The following PNN variants were observed in gnomAD, a reference collection of about 807,000 sequenced individuals.
PNN encodes the protein pinin.
A neutral mutation model predicts 76.6 loss-of-function variants in PNN; 38 were observed. The ratio of observed to expected loss-of-function variants is 0.50; its 90% CI spans 0.38 to 0.65. The LOEUF (loss-of-function observed/expected upper bound fraction) is 0.65. Ranked by LOEUF, PNN falls within the 30% of genes least tolerant of loss-of-function variation. PNN has a pLI of 0.00. For synonymous variants in PNN, 366 were observed against 283.7 expected, an observed-to-expected ratio of 1.29 and a Z score of -2.91; for missense variants, 873 against 874.1, an observed-to-expected ratio of 1.00 and a Z score of 0.02.
In PNN at chr14:39,176,538, CAGAT is replaced by C; in HGVS notation, c.200_203del (p.Asp67ValfsTer50). The C allele has an allele frequency of 6.2e-7, 1 of 1,606,950 alleles. No individual in the cohort carries two copies. Among genetic ancestry groups the C allele is most frequent in the Non-Finnish European group, 8.5e-7 (1 of 1,176,960 alleles). ...ATTTTAAATTTCAGGCGTGGATTCT[CAGAT>C]AGTGGAGGAGGACCCCCAGCCAAAC... On this transcript the variant is annotated frameshift_variant, in exon 3 of 9. Coordinates refer to ENST00000216832, the MANE Select transcript of PNN (RefSeq NM_002687.4). LOFTEE classifies it high-confidence loss of function.
At chr14:39,178,715 T>C (rs184745886) in intron 6 of PNN, among the ~76,000 whole-genome samples, 102 of 143,402 alleles carry the variant, frequency 7.1e-4, no homozygotes, top group African/African-American at 2.6e-3. Flanking sequence ...GCAGATACCT[T>C]TACATAGTGA....
At chr14:39,180,376 C>A (rs1470039040) in intron 8 of PNN, 127 bp from the exon 9 acceptor site, 15 of 991,194 alleles carry the variant, frequency 1.5e-5, no homozygotes, top group Admixed American at 1.4e-4. Context: ...TTGCCATAAT[C>A]TTTTGTCATA....
intron 6 of PNN, among the ~76,000 whole-genome samples, chr14:39,178,321 A>G (rs116240014): frequency 0.03 from 4,544 of 152,122 alleles, 229 homozygotes; most frequent in African/African-American, 0.1. Flanking sequence ...CTGAGGTCAG[A>G]AGTTTTTCGA....
rs560249124 is a variant in PNN, at chr14:39,180,150, TGA to T, written c.794-352_794-351del. 1.6e-3 allele frequency among the ~76,000 whole-genome samples: 248 copies of T among 152,336 alleles called. 3 individuals carry two copies. Among genetic ancestry groups the T allele is most frequent in the Non-Finnish European group, 2.6e-3 (179 of 68,024 alleles). On this transcript the variant is annotated intron_variant, in intron 8 of 8. Coordinates refer to ENST00000216832, the MANE Select transcript of PNN (RefSeq NM_002687.4). ...GGAAGGATAGACACTGCTAAGATGA[TGA>T]TTTATCTCTTTGGGATCAGAAAAAT...
chr14:39,181,509 T>A lies in PNN; in HGVS notation c.1800T>A (p.Ser600Arg). The change falls in exon 9 of 9, where the codon AGT becomes AGA. Residue 600 changes from serine (S) to arginine (R), a missense_variant. By Grantham distance (110) the Ser-to-Arg change is moderately radical. This residue lies in a region of PNN where 712 missense variants were observed against 693.1 expected (regional missense o/e 1.03). Transcript: ENST00000216832. ...GTGGAAGTAGTTCCAGCAGTGGAAG[T>A]AGTAGCAGTCGCAGTAGTTCCAGTA... The part of the protein sequence containing the change: ...SSSGSSSSSG[S>R]SSSRSSSSSS... 6.2e-7 allele frequency: 1 copy of A among 1,600,554 alleles called. No homozygotes were observed. The highest frequency in any genetic ancestry group is 8.5e-7 in the Non-Finnish European group (1 of 1,173,574).
chr14:39,180,489 T>C lies in PNN; in HGVS notation c.794-14T>C, dbSNP rs766496399. The stretch of plus-strand genomic sequence containing the variant: ...AATCGGTAAATTTTACACATGTAAA[T>C]TTTTATTCTTTAGCTTTATTTGAAG... On this transcript the variant is annotated splice_polypyrimidine_tract_variant and intron_variant, in intron 8 of 8. Coordinates refer to ENST00000216832, the MANE Select transcript of PNN (RefSeq NM_002687.4). 7 of 1,531,050 alleles carry C rather than the reference T, an allele frequency of 4.6e-6. No individual in the cohort carries two copies. The South Asian group carries it at 9.1e-5, about 20-fold the overall frequency. 94.8% of individuals were successfully genotyped at this position (1,531,050 alleles called of 1,614,324 possible).
chr14:39,177,742 C>T, intron 5 of PNN, 55 bp downstream of exon 5: 2 of 1,475,374 alleles, frequency 1.4e-6, no homozygotes, highest in Non-Finnish European at 1.9e-6. Flanking sequence ...TAAGGAAAAT[C>T]AAGGGATTGT....
At chr14:39,180,172 A>G (rs530686707) in intron 8 of PNN, among the ~76,000 whole-genome samples, 6 of 152,358 alleles carry the variant, frequency 3.9e-5, no homozygotes, top group South Asian at 4.1e-4. Flanking sequence ...TTGGGATCAG[A>G]AAAATTAATA....
intron 8 of PNN, among the ~76,000 whole-genome samples, chr14:39,180,280 G>C (rs7144933): frequency 0.03 from 4,577 of 152,266 alleles, 235 homozygotes; most frequent in African/African-American, 0.1. Context: ...TAGAAAATGT[G>C]TAGTTCTGTC....
At chr14:39,175,829 C>T (rs1167695481) in intron 1 of PNN, 8 of 506,712 alleles carry the variant, frequency 1.6e-5, no homozygotes, top group Non-Finnish European at 2.8e-5. Context: ...GGATGGGGAC[C>T]TGATCCAGGC....
At chr14:39,175,488 G>A in intron 1 of PNN, 96 bp downstream of exon 1, 1 of 770,308 alleles carries the variant, frequency 1.3e-6, no homozygotes, top group East Asian at 2.7e-5. Flanking sequence ...GCCTTAAGAA[G>A]ACTGGAACCT....
At chr14:39,177,983 T>A (rs953503350) in intron 6 of PNN, 67 bp downstream of exon 6, 17 of 1,066,514 alleles carry the variant, frequency 1.6e-5, no homozygotes, top group Non-Finnish European at 2.3e-5. Context: ...AATGTTTTTT[T>A]TAAAAAATCC....
chr14:39,176,813 A>G (rs752890719), intron 3 of PNN, among the ~76,000 whole-genome samples: 5 of 152,218 alleles, frequency 3.3e-5, no homozygotes, highest in Non-Finnish European at 1.5e-5. Flanking sequence ...TTTTATCCAA[A>G]TAAAGGTCAT....
chr14:39,176,336 AT>A, intron 2 of PNN, 187 bp downstream of exon 2: 5 of 635,282 alleles, frequency 7.9e-6, no homozygotes, highest in Middle Eastern at 4.3e-4. Context: ...TGAAGAATAT[AT>A]TAAGTTTACC....
chr14:39,177,477 T>A lies in PNN; in HGVS notation c.320T>A (p.Val107Asp), dbSNP rs1463914877. 1.2e-6 allele frequency: 2 copies of A among 1,613,744 alleles called. No homozygotes were observed. Among genetic ancestry groups the A allele is most frequent in the Non-Finnish European group, 1.7e-6 (2 of 1,179,644 alleles). Residue 107 changes from valine to aspartate, a missense_variant, in exon 4 of 9, where the codon GTT becomes GAT. Physicochemically the swap from Val to Asp is radical, Grantham distance 152 (BLOSUM62 -3). Coordinates refer to ENST00000216832, the MANE Select transcript of PNN (RefSeq NM_002687.4). ...RQESDPEDDD[V>D]KKPALQSSVV... is the part of the protein sequence containing the mutation. ...GAAAGCGACCCGGAGGATGATGATG[T>A]TAAAAAGGTATTGAGATTGAAAGAA...
rs760133939 is a variant in PNN at position 39,182,737 on chromosome 14, T to C, written c.*874T>C. ...TGGCTCTAACTTAAACATGCTGATA[T>C]GTGTTTTCAAGAATTTTGTTTAAGG... On this transcript the variant is annotated 3_prime_UTR_variant, in exon 9 of 9. Transcript: ENST00000216832. The C allele has an allele frequency of 6.5e-6, 1 of 152,814 alleles. No homozygotes were observed. Among genetic ancestry groups the C allele is most frequent in the African/African-American group, 2.4e-5 (1 of 41,606 alleles). The allele number at this position is 152,814 out of a possible 1,614,324, so 9.5% of individuals were successfully genotyped here. A position where few individuals can be genotyped will look rare whatever the true frequency, so the allele number is the denominator to read the frequency against.
chr14:39,176,204 A>G (rs1167048578), intron 2 of PNN, 55 bp downstream of exon 2: 9 of 1,023,732 alleles, frequency 8.8e-6, no homozygotes, highest in South Asian at 1.3e-5. Flanking sequence ...TTTACTAAAT[A>G]TGTTGGTTTG....
Position 39,180,591 on chromosome 14 carries a change from G to C in PNN, c.882G>C (p.Glu294Asp). ...GAAGACAATCAATGAAGGAAAAAGA[G>C]CATCAGGTGGTGCGTAATGAAGAAC... ...RPRRQSMKEK[E>D]HQVVRNEEQK... Residue 294 changes from glutamate (E) to aspartate (D), a missense_variant, in exon 9 of 9, where the codon GAG (glutamate) becomes GAC (aspartate). Coordinates refer to ENST00000216832, the MANE Select transcript of PNN (RefSeq NM_002687.4). 1.2e-6 allele frequency: 2 copies of C among 1,614,108 alleles called. No homozygotes were observed. Among genetic ancestry groups the C allele is most frequent in the Non-Finnish European group, 1.7e-6 (2 of 1,180,010 alleles).
chr14:39,178,524 T>A (rs116815258), intron 6 of PNN, among the ~76,000 whole-genome samples: 2,313 of 151,218 alleles, frequency 0.015, 66 homozygotes, highest in African/African-American at 0.052. Context: ...GGCGCAAAAC[T>A]CCATCTCAAA....
Sources: gnomAD v4.1 joint callset for allele counts (sites outside exome capture counted in the v4.1 genomes callset) on GRCh38, gnomAD v4.1.1 for gene constraint, gnomAD v4.1.1 regional missense constraint, MANE v1.5 for transcripts, NCBI Gene and HGNC (gene_info 2026-07-23, HGNC 2026-07-21) for gene names.